RABGEF1: variants seen among roughly 807,000 people sequenced by gnomAD.
RABGEF1 encodes rab5 GDP/GTP exchange factor.
Under a neutral mutation model 57.3 loss-of-function variants are expected in RABGEF1, and 26 were observed. That is an observed-to-expected ratio of 0.45 (90% confidence interval 0.33 to 0.63). The LOEUF is 0.63. Ranked by LOEUF, RABGEF1 falls within the 20% of genes least tolerant of loss-of-function variation. The probability of loss-of-function intolerance (pLI) is 0.02; values close to 1 mark genes in which losing one functional copy is unlikely to be tolerated. For synonymous variants in RABGEF1, 185 were observed against 210.7 expected, an observed-to-expected ratio of 0.88 and a Z score of 1.06; for missense variants, 464 against 607.6, an observed-to-expected ratio of 0.76 and a Z score of 2.48.
intron 1 of RABGEF1, among the ~76,000 whole-genome samples, chr7:66,745,095 G>A (rs1799898508): frequency 1.3e-5 from 2 of 152,142 alleles, no homozygotes; most frequent in South Asian, 2.1e-4. Flanking sequence ...AGGAGGCTGA[G>A]GCAGGAGAAT....
intron 1 of RABGEF1, among the ~76,000 whole-genome samples, chr7:66,705,323 C>T (rs540004485): frequency 3.9e-5 from 6 of 151,940 alleles, no homozygotes; most frequent in African/African-American, 1.4e-4. Context: ...TGAAATCCCA[C>T]CTACTAGGGA....
intron 1 of RABGEF1, among the ~76,000 whole-genome samples, chr7:66,763,248 G>C (rs1232437527): frequency 6.6e-6 from 1 of 152,088 alleles, no homozygotes; most frequent in Non-Finnish European, 1.5e-5. Context: ...ACCTCAGGAG[G>C]TCAGAATTAA....
At chr7:66,657,090 C>T in the RABGEF1 span, among the ~76,000 whole-genome samples, 2 of 152,244 alleles carry the variant, frequency 1.3e-5, no homozygotes, top group East Asian at 1.9e-4. Context: ...GTTAATAATA[C>T]AGAGACCAGA....
At chr7:66,794,706 A>G (rs1813594586) in intron 4 of RABGEF1, among the ~76,000 whole-genome samples, 1 of 152,188 alleles carries the variant, frequency 6.6e-6, no homozygotes, top group African/African-American at 2.4e-5. Flanking sequence ...TATTCATATT[A>G]AGCGGTTAAT....
chr7:66,684,138 C>CT (rs1790220405), intron 1 of RABGEF1, among the ~76,000 whole-genome samples: 1 of 152,068 alleles, frequency 6.6e-6, no homozygotes, highest in Non-Finnish European at 1.5e-5. Flanking sequence ...TAGCTGGGTC[C>CT]TTATGTGGTT....
At position 66,796,708 on chromosome 7, in the gene RABGEF1, C is replaced by T. The variant is rs556948545; in HGVS notation, c.596-666C>T. 6.4e-4 allele frequency: 183 copies of T among 287,734 alleles called. 4 individuals carry two copies. Among genetic ancestry groups the T allele is most frequent in the Middle Eastern group, 1.2e-3 (1 of 808 alleles). 17.8% of individuals were successfully genotyped at this position (287,734 alleles called of 1,614,324 possible). On this transcript the variant is annotated intron_variant, in intron 5 of 8. Transcript: ENST00000284957. ...CCAGGTTCAAGTGATTCTCCTGTCT[C>T]AGCCCCCGAGTGGCTGGGATTACAG...
At chr7:66,685,007 C>A (rs915321318) in intron 1 of RABGEF1, among the ~76,000 whole-genome samples, 3 of 152,054 alleles carry the variant, frequency 2.0e-5, no homozygotes, top group African/African-American at 7.2e-5. Context: ...TCAAGTGATT[C>A]TCTAGCCTTG....
At chr7:66,766,455 A>G (rs961063360) in intron 1 of RABGEF1, among the ~76,000 whole-genome samples, 9 of 152,074 alleles carry the variant, frequency 5.9e-5, no homozygotes, top group Non-Finnish European at 1.5e-5. Context: ...CTAGGACTCT[A>G]TTCTTTTCTT....
At chr7:66,740,628 C>T (rs2129046604), upstream of RABGEF1, 1 of 152,872 alleles carries the variant, frequency 6.5e-6, no homozygotes, top group South Asian at 2.1e-4. Context: ...GTCAAAGGCC[C>T]CGGAAGTGAC....
At chr7:66,726,460 G>T (rs980723943) in intron 2 of RABGEF1, among the ~76,000 whole-genome samples, 1 of 152,090 alleles carries the variant, frequency 6.6e-6, no homozygotes, top group Non-Finnish European at 1.5e-5. Flanking sequence ...CAACTCCTGG[G>T]TTCAAGCGAT....
At chr7:66,706,324 AT>A (rs756930873) in intron 1 of RABGEF1, among the ~76,000 whole-genome samples, 8 of 152,086 alleles carry the variant, frequency 5.3e-5, no homozygotes, top group Non-Finnish European at 7.4e-5. Context: ...CATTTCTCTT[AT>A]GCGATACCTA....
intron 4 of RABGEF1, among the ~76,000 whole-genome samples, chr7:66,785,610 C>A (rs141086463): frequency 3.3e-5 from 5 of 152,342 alleles, no homozygotes; most frequent in African/African-American, 7.2e-5. Context: ...TGCGGTGGCT[C>A]ACGCCTGTAA....
chr7:66,683,680 GA>G (rs1400917691), intron 1 of RABGEF1, among the ~76,000 whole-genome samples: 2 of 152,188 alleles, frequency 1.3e-5, no homozygotes, highest in African/African-American at 4.8e-5. Context: ...TGGAGTGAGG[GA>G]GAGGGGGGAA....
At chr7:66,721,093 A>G (rs774671470) in intron 2 of RABGEF1, among the ~76,000 whole-genome samples, 1 of 151,972 alleles carries the variant, frequency 6.6e-6, no homozygotes, top group Non-Finnish European at 1.5e-5. Context: ...TAATTTTTGT[A>G]TATTTAGTAG....
chr7:66,789,519 A>G (rs1384535389), intron 4 of RABGEF1, among the ~76,000 whole-genome samples: 1 of 151,672 alleles, frequency 6.6e-6, no homozygotes, highest in Non-Finnish European at 1.5e-5. Flanking sequence ...CGTCTCTACT[A>G]AAAAATACAA....
At chr7:66,777,632 A>G (rs567376464) in intron 3 of RABGEF1, among the ~76,000 whole-genome samples, 10 of 152,240 alleles carry the variant, frequency 6.6e-5, no homozygotes, top group African/African-American at 2.4e-4. Flanking sequence ...TTAAAAAGAA[A>G]CATTTCTGGA....
At chr7:66,774,948 G>A (rs1264069519) in intron 2 of RABGEF1, among the ~76,000 whole-genome samples, 1 of 152,104 alleles carries the variant, frequency 6.6e-6, no homozygotes, top group Non-Finnish European at 1.5e-5. Context: ...CTTTTTGTCT[G>A]TTCCAGCCTT....
intron 1 of RABGEF1, among the ~76,000 whole-genome samples, chr7:66,749,964 A>T (rs753502038): frequency 6.6e-6 from 1 of 152,182 alleles, no homozygotes; most frequent in Non-Finnish European, 1.5e-5. Context: ...ACAGAGCGAG[A>T]CTCCATCTCA....
rs1303309393 is a variant in RABGEF1, at chr7:66,805,299, A to G, written c.980A>G (p.Asn327Ser). Residue 327 changes from asparagine to serine, a missense_variant, in exon 8 of 9, where the codon AAC (asparagine) becomes AGC (serine). Asn to Ser is a conservative substitution (Grantham distance 46). Coordinates refer to ENST00000284957, the MANE Select transcript of RABGEF1 (RefSeq NM_014504.3). ...PTLIYIVLKG[N>S]PPRLQSNIQY... ...CTCATCTACATTGTTTTGAAGGGCA[A>G]CCCCCCACGCCTTCAGTCTAATATC... 4 of 1,613,808 alleles carry G rather than the reference A, an allele frequency of 2.5e-6. No individual in the cohort carries two copies. Among genetic ancestry groups the G allele is most frequent in the African/African-American group, 1.3e-5 (1 of 74,838 alleles).
Sources: gnomAD v4.1 joint callset for allele counts (sites outside exome capture counted in the v4.1 genomes callset) on GRCh38, gnomAD v4.1.1 for gene constraint, MANE v1.5 for transcripts, NCBI Gene and HGNC (gene_info 2026-07-23, HGNC 2026-07-21) for gene names.